The following DAB1 variants were observed in gnomAD, a reference collection of about 807,000 sequenced individuals.
The protein encoded by DAB1 is DAB adaptor protein 1.
In DAB1, 15 loss-of-function variants were observed where a neutral mutation model predicts 64.6. The ratio of observed to expected loss-of-function variants is 0.23; its 90% confidence interval spans 0.16 to 0.36. The LOEUF (loss-of-function observed/expected upper bound fraction) is 0.36. DAB1 is among the 10% of genes least tolerant of loss of function. The pLI is 1.00. For synonymous variants in DAB1, 235 were observed against 251.9 expected (o/e 0.93, Z 0.64); for missense variants, 596 against 706.7 (o/e 0.84, Z 1.78).
intron 6 of DAB1, among the ~76,000 whole-genome samples, chr1:57,662,307 T>A (rs1311367547): frequency 7.2e-5 from 11 of 152,298 alleles, no homozygotes; most frequent in African/African-American, 2.6e-4. Flanking sequence ...GTGATTCTCC[T>A]GCCTCAGCCT....
intron 1 of DAB1, among the ~76,000 whole-genome samples, chr1:57,392,959 T>C (rs1420660062): frequency 2.6e-5 from 4 of 152,234 alleles, no homozygotes; most frequent in Admixed American, 2.6e-4. Flanking sequence ...AAGTGTAAGC[T>C]TTGGTGCCAG....
chr1:57,878,943 G>A (rs59775701), intron 1 of DAB1, among the ~76,000 whole-genome samples: 5,784 of 152,076 alleles, frequency 0.038, 401 homozygotes, highest in African/African-American at 0.13. Context: ...TCCTGGGCCT[G>A]GATTATTTCA....
At chr1:58,369,058 T>C (rs1043364577) in intron 3 of DAB1, among the ~76,000 whole-genome samples, 1 of 152,180 alleles carries the variant, frequency 6.6e-6, no homozygotes, top group Admixed American at 6.5e-5. Flanking sequence ...AATTGGTGCA[T>C]AAATAACCTA....
At chr1:57,336,585 C>G (rs1677097335) in intron 1 of DAB1, among the ~76,000 whole-genome samples, 1 of 152,180 alleles carries the variant, frequency 6.6e-6, no homozygotes, top group Admixed American at 6.5e-5. Context: ...CACAACAGCT[C>G]TAGTAGGTAG....
At chr1:57,475,718 T>A (rs1643927365) in intron 7 of DAB1, among the ~76,000 whole-genome samples, 1 of 152,212 alleles carries the variant, frequency 6.6e-6, no homozygotes, top group East Asian at 1.9e-4. Context: ...TCCAGGCCTT[T>A]CACTGCTAGA....
intron 4 of DAB1, among the ~76,000 whole-genome samples, chr1:58,163,818 T>C (rs1195459908): frequency 6.6e-6 from 1 of 152,236 alleles, no homozygotes; most frequent in African/African-American, 2.4e-5. Flanking sequence ...GCTGCTCATC[T>C]GGCATAAGCT....
chr1:58,060,258 A>G (rs1488423361), intron 5 of DAB1: 3 of 152,274 alleles, frequency 2.0e-5, no homozygotes, highest in South Asian at 2.1e-4. Context: ...GTTTAAGAAG[A>G]AAACCAAAAG....
intron 8 of DAB1, among the ~76,000 whole-genome samples, chr1:57,065,452 G>T (rs1418612822): frequency 6.6e-6 from 1 of 152,180 alleles, no homozygotes; most frequent in Non-Finnish European, 1.5e-5. Context: ...TGTAAAGTGT[G>T]CTTTATCTTA....
chr1:57,745,233 G>C (rs1376059985), intron 6 of DAB1, among the ~76,000 whole-genome samples: 5 of 152,110 alleles, frequency 3.3e-5, no homozygotes, highest in Non-Finnish European at 7.4e-5. Flanking sequence ...TGGCGTTGGT[G>C]CTCTACTTCC....
At chr1:58,481,308 T>C (rs767407759) in intron 3 of DAB1, 1 of 399,214 alleles carries the variant, frequency 2.5e-6, no homozygotes, top group African/African-American at 2.1e-5. Flanking sequence ...GTATCTTGAT[T>C]ATAACACATA....
intron 1 of DAB1, among the ~76,000 whole-genome samples, chr1:57,421,158 G>A (rs993753779): frequency 7.2e-5 from 11 of 152,146 alleles, no homozygotes; most frequent in Admixed American, 7.2e-4. Context: ...ACTTTGGAGG[G>A]CAAAGGGGAA....
chr1:57,909,509 A>G (rs957393117), intron 5 of DAB1, among the ~76,000 whole-genome samples: 4 of 152,190 alleles, frequency 2.6e-5, no homozygotes, highest in African/African-American at 9.7e-5. Flanking sequence ...CCTGAACTTA[A>G]AAAGTGAACA....
chr1:58,062,377 C>T (rs1241270183), intron 5 of DAB1, among the ~76,000 whole-genome samples: 1 of 152,176 alleles, frequency 6.6e-6, no homozygotes, highest in Admixed American at 6.5e-5. Context: ...GCTTTCTCCT[C>T]TATTGCATGG....
At chr1:57,801,996 G>A (rs991431819) in intron 6 of DAB1, among the ~76,000 whole-genome samples, 27 of 152,188 alleles carry the variant, frequency 1.8e-4, no homozygotes, top group African/African-American at 6.5e-4. Flanking sequence ...CACAGGTAGA[G>A]ACTATTGGGG....
intron 9 of DAB1, among the ~76,000 whole-genome samples, chr1:57,053,688 A>ATATTTC (rs1447741565): frequency 1.4e-5 from 1 of 71,422 alleles, no homozygotes. Context: ...ATATATATAT[A>ATATTTC]TTTTTTTTTT....
chr1:57,530,610 A>C (rs2101414134), intron 7 of DAB1, among the ~76,000 whole-genome samples: 1 of 152,146 alleles, frequency 6.6e-6, no homozygotes, highest in Admixed American at 6.6e-5. Context: ...GAGGGAGACA[A>C]AAATATTACT....
intron 7 of DAB1, among the ~76,000 whole-genome samples, chr1:57,455,573 G>T (rs1356011249): frequency 6.6e-6 from 1 of 152,046 alleles, no homozygotes; most frequent in Non-Finnish European, 1.5e-5. Flanking sequence ...GTGTCTAGAG[G>T]CAGGAAACCA....
chr1:57,272,850 G>C (rs1449865766), intron 2 of DAB1, among the ~76,000 whole-genome samples: 1 of 152,164 alleles, frequency 6.6e-6, no homozygotes, highest in African/African-American at 2.4e-5. Context: ...CGGGCAGTAG[G>C]GGTCAGGATA....
At chr1:57,860,600 C>G (rs995618081) in intron 1 of DAB1, 1 of 152,238 alleles carries the variant, frequency 6.6e-6, no homozygotes, top group Non-Finnish European at 1.5e-5. Flanking sequence ...AGCTGGTAAT[C>G]AGGATGGCAG....
Sources: gnomAD v4.1 joint callset for allele counts (sites outside exome capture counted in the v4.1 genomes callset) on GRCh38, gnomAD v4.1.1 for gene constraint, MANE v1.5 for transcripts, NCBI Gene and HGNC (gene_info 2026-07-23, HGNC 2026-07-21) for gene names.